Variants in SLC39A14 observed in about 807,000 individuals in gnomAD.
SLC39A14 encodes the protein metal cation symporter ZIP14.
In SLC39A14, 19 loss-of-function variants were observed where a neutral mutation model predicts 45.5. That is an observed-to-expected ratio of 0.42 (90% CI 0.29 to 0.61). SLC39A14 has a LOEUF of 0.61. SLC39A14 is among the 20% of genes least tolerant of loss of function. SLC39A14 has a pLI of 0.22. For missense variants in SLC39A14, 447 were observed against 616.5 expected (o/e 0.73, Z 2.91); for synonymous variants, 264 against 251.3 (o/e 1.05, Z -0.48).
At position 22,401,539 on chromosome 8, in the gene SLC39A14, C is replaced by CTTTTTTTTTTT. The variant is rs1478354009; in HGVS notation, c.-15-3154_-15-3153insTTTTTTTTTTT. Among the ~76,000 whole-genome samples, 5 of 115,716 alleles carry CTTTTTTTTTTT rather than the reference C, an allele frequency of 4.3e-5. 1 individual carries two copies. Among genetic ancestry groups the CTTTTTTTTTTT allele is most frequent in the Admixed American group, 1.8e-4 (2 of 11,176 alleles). 75.9% of individuals were successfully genotyped at this position (115,716 alleles called of 152,430 possible). A position where few individuals can be genotyped will look rare whatever the true frequency, so the allele number is the denominator to read the frequency against. ...CTTTCTGTCTTTCTCTTTCTCTTCTCTTTCTTTTTTTTTTTTTTTTTTTTT... is the reference window on the plus strand; with the variant it reads ...CTTTCTGTCTTTCTCTTTCTCTTCTCTTTTTTTTTTTTTTCTTTTTTTTTTTTTTTTTTTTT... On this transcript the variant is annotated intron_variant, in intron 1 of 8. Transcript: ENST00000381237.
intron 2 of SLC39A14, among the ~76,000 whole-genome samples, chr8:22,405,803 T>C (rs1301369915): frequency 7.2e-6 from 1 of 138,270 alleles, no homozygotes; most frequent in Non-Finnish European, 1.6e-5. Context: ...GGATTCTGTG[T>C]TCTTTCTTCC....
At chr8:22,373,962 G>C (rs922181352) in intron 1 of SLC39A14, among the ~76,000 whole-genome samples, 1 of 152,176 alleles carries the variant, frequency 6.6e-6, no homozygotes, top group African/African-American at 2.4e-5. Flanking sequence ...GTTTCGCCAT[G>C]GTGGCCAGGC....
At chr8:22,395,682 C>A (rs1367181483) in intron 1 of SLC39A14, among the ~76,000 whole-genome samples, 1 of 152,142 alleles carries the variant, frequency 6.6e-6, no homozygotes, top group Non-Finnish European at 1.5e-5. Context: ...GTTATAATCT[C>A]ATCTTTGAGC....
rs1401344908 is a variant in SLC39A14 at position 22,422,716 on chromosome 8, G to A, written c.*3018G>A. On this transcript the variant is annotated 3_prime_UTR_variant, in exon 9 of 9. Coordinates refer to ENST00000381237, the MANE Select transcript of SLC39A14 (RefSeq NM_001128431.4). ...CGGGTGATCATTTGCAATAAATGTG[G>A]ATGTAATGAAGGCTGTTGAACACAA... The A allele has an allele frequency of 1.0e-6, 1 of 985,186 alleles. No individual in the cohort carries two copies. The highest frequency in any genetic ancestry group is 1.7e-5 in the African/African-American group (1 of 57,236). The allele number at this position is 985,186 out of a possible 1,614,324, so 61.0% of individuals were successfully genotyped here.
At chr8:22,384,774 G>T (rs917443782) in intron 1 of SLC39A14, among the ~76,000 whole-genome samples, 17 of 145,088 alleles carry the variant, frequency 1.2e-4, no homozygotes, top group African/African-American at 4.1e-4. Context: ...TCTTGGCCGG[G>T]CACGGTGGCT....
In SLC39A14 at chr8:22,415,890, G is replaced by T. The variant is rs146852396; in HGVS notation, c.872G>T (p.Ser291Ile). 1 of 1,612,786 alleles carries T rather than the reference G, an allele frequency of 6.2e-7. No homozygotes were observed. The highest frequency in any genetic ancestry group is 1.3e-5 in the African/African-American group (1 of 74,848). Residue 291 changes from serine (S) to isoleucine (I), a missense_variant, in exon 6 of 9, where the codon AGC becomes ATC. Transcript: ENST00000381237. ...DLDHMIPQHC[S>I]SELDGKAPMV... ...GACCACATGATTCCTCAGCACTGCA[G>T]CAGTGAGCTGGACGGCAAGGCGCCC...
downstream of SLC39A14, among the ~76,000 whole-genome samples, chr8:22,424,591 C>T (rs1836351220): frequency 6.6e-6 from 1 of 152,144 alleles, no homozygotes; most frequent in African/African-American, 2.4e-5. Flanking sequence ...TCCTGCCTTT[C>T]CAGGAGTCTG....
intron 4 of SLC39A14, among the ~76,000 whole-genome samples, chr8:22,413,261 G>A (rs900730864): frequency 1.1e-4 from 17 of 152,138 alleles, no homozygotes; most frequent in African/African-American, 3.9e-4. Flanking sequence ...AACACTTGGT[G>A]TTTTCTGAAA....
intron 7 of SLC39A14, among the ~76,000 whole-genome samples, chr8:22,416,996 C>A (rs1835924775): frequency 6.6e-6 from 1 of 152,158 alleles, no homozygotes; most frequent in Non-Finnish European, 1.5e-5. Flanking sequence ...GGCTCAGGTG[C>A]CTGGCAGGTG....
At chr8:22,426,546 G>A (rs866340835), downstream of SLC39A14, among the ~76,000 whole-genome samples, 2 of 152,134 alleles carry the variant, frequency 1.3e-5, no homozygotes, top group Non-Finnish European at 2.9e-5. Flanking sequence ...GAACACTGAG[G>A]TTCCCTAAGA....
rs375239723 is a variant in SLC39A14 at position 22,416,162 on chromosome 8, C to T, written c.1029C>T (p.Ser343=). The T allele has an allele frequency of 4.3e-5, 69 of 1,613,956 alleles. No homozygotes were observed. The highest frequency in any genetic ancestry group is 5.4e-5 in the Non-Finnish European group (64 of 1,180,006). Residue 343 remains serine (S), a synonymous_variant, in exon 7 of 9, where the codon AGC becomes AGT. Coordinates refer to ENST00000381237, the MANE Select transcript of SLC39A14 (RefSeq NM_001128431.4). The part of the protein sequence containing the change: ...IGTLAWMITL[S]DGLHNFIDGL... The stretch of plus-strand genomic sequence containing the variant: ...CTCTGGCCTGGATGATCACTCTGAG[C>T]GACGGCCTCCATAATTTCATCGATG...
chr8:22,373,090 C>T lies in SLC39A14; in HGVS notation c.-16+5682C>T, dbSNP rs138980537. ...CATCCTGGCCAACATGGTGAAACCT[C>T]GTCTCTACTAAAAATACAAAAAATT... On this transcript the variant is annotated intron_variant, in intron 1 of 8. Coordinates refer to ENST00000381237, the MANE Select transcript of SLC39A14 (RefSeq NM_001128431.4). 2.2e-4 allele frequency among the ~76,000 whole-genome samples: 33 copies of T among 152,006 alleles called. No homozygotes were observed. In the East Asian group the frequency reaches 6.2e-3, roughly 28 times the overall value.
intron 2 of SLC39A14, among the ~76,000 whole-genome samples, chr8:22,406,294 C>G (rs942567721): frequency 6.6e-6 from 1 of 150,992 alleles, no homozygotes; most frequent in African/African-American, 2.5e-5. Flanking sequence ...ACTAAAAATA[C>G]AAAAATTAGC....
At chr8:22,380,576 C>T (rs777734268) in intron 1 of SLC39A14, among the ~76,000 whole-genome samples, 1 of 152,136 alleles carries the variant, frequency 6.6e-6, no homozygotes, top group Non-Finnish European at 1.5e-5. Flanking sequence ...CTGTTTAATA[C>T]CTCCAAGTGA....
At position 22,419,759 on chromosome 8, in the gene SLC39A14, G is replaced by C; in HGVS notation, c.*61G>C. 1 of 1,511,840 alleles carries C rather than the reference G, an allele frequency of 6.6e-7. No individual in the cohort carries two copies. The highest frequency in any genetic ancestry group is 8.8e-7 in the Non-Finnish European group (1 of 1,132,126). 93.7% of individuals were successfully genotyped at this position (1,511,840 alleles called of 1,614,324 possible). On this transcript the variant is annotated 3_prime_UTR_variant, in exon 9 of 9. Transcript: ENST00000381237. ...CCCTGGGCTGCCCGATCGCCAGCCCGAGGACTTACCATCCACAATGCACCA... is the reference window on the plus strand; with the variant it reads ...CCCTGGGCTGCCCGATCGCCAGCCCCAGGACTTACCATCCACAATGCACCA...
intron 1 of SLC39A14, among the ~76,000 whole-genome samples, chr8:22,388,411 A>G (rs527746491): frequency 2.4e-4 from 36 of 151,962 alleles, no homozygotes; most frequent in African/African-American, 8.7e-4. Flanking sequence ...GACATTTCAG[A>G]TGCAGCCCAG....
chr8:22,368,446 C>G (rs1019506840), intron 1 of SLC39A14, among the ~76,000 whole-genome samples: 2 of 152,202 alleles, frequency 1.3e-5, no homozygotes, highest in African/African-American at 4.8e-5. Flanking sequence ...CAGACTAGAT[C>G]TCCTTAACCA....
At chr8:22,388,091 C>T (rs1833882042) in intron 1 of SLC39A14, among the ~76,000 whole-genome samples, 1 of 152,142 alleles carries the variant, frequency 6.6e-6, no homozygotes. Context: ...CCTACCAACC[C>T]CACAGGACTG....
chr8:22,414,204 A>T (rs1428413966), intron 4 of SLC39A14, among the ~76,000 whole-genome samples: 1 of 152,148 alleles, frequency 6.6e-6, no homozygotes. Flanking sequence ...TTCAGAAAGG[A>T]CTCAAAACAA....
Sources: allele counts gnomAD v4.1 joint callset (sites outside exome capture counted in the v4.1 genomes callset), GRCh38; gene constraint gnomAD v4.1.1; transcripts MANE v1.5; gene names NCBI Gene and HGNC (gene_info 2026-07-23, HGNC 2026-07-21).